CBLN2: variants seen among roughly 807,000 people sequenced by gnomAD.
CBLN2 encodes cerebellin-2.
In CBLN2, 7 loss-of-function variants were observed where a neutral mutation model predicts 15.0. The ratio of observed to expected loss-of-function variants is 0.47; its 90% CI spans 0.27 to 0.88. The LOEUF (loss-of-function observed/expected upper bound fraction) is 0.88. Ranked by LOEUF, CBLN2 falls within the 40% of genes least tolerant of loss-of-function variation. CBLN2 has a pLI of 0.14. For missense variants in CBLN2, 242 were observed against 304.5 expected (o/e 0.79, Z 1.53); for synonymous variants, 149 against 135.2 (o/e 1.10, Z -0.71).
chr18:72,631,892 T>C (rs899071654), intron 1 of CBLN2, among the ~76,000 whole-genome samples: 3 of 152,294 alleles, frequency 2.0e-5, no homozygotes, highest in East Asian at 1.9e-4. Flanking sequence ...TTGACATATG[T>C]AATTTACAGG....
At position 72,588,643 on chromosome 18, in the gene CBLN2, G is replaced by A. The variant is rs145307898; in HGVS notation, c.15+49682C>T. Among the ~76,000 whole-genome samples the A allele has an allele frequency of 3.4e-3, 524 of 152,342 alleles. 2 individuals carry two copies. The highest frequency in any genetic ancestry group is 5.7e-3 in the Non-Finnish European group (388 of 68,028). Reference sequence around the variant, plus strand: ...AGTGCTCTGTGTTGGTGCCAGGACAGAGGAGAAAACAGAACCCTCTTGGAT... The same window carrying A: ...AGTGCTCTGTGTTGGTGCCAGGACAAAGGAGAAAACAGAACCCTCTTGGAT... On this transcript the variant is annotated intron_variant, in intron 1 of 2. Coordinates refer to the CBLN2 transcript ENST00000581073.
intron 1 of CBLN2, among the ~76,000 whole-genome samples, chr18:72,563,606 C>T (rs868642660): frequency 1.3e-5 from 2 of 152,328 alleles, no homozygotes; most frequent in South Asian, 2.1e-4. Flanking sequence ...ACCTCATCTT[C>T]CCAGTCAAGA....
chr18:72,555,183 A>T (rs2069217880), intron 1 of CBLN2, among the ~76,000 whole-genome samples: 1 of 152,046 alleles, frequency 6.6e-6, no homozygotes, highest in Non-Finnish European at 1.5e-5. Context: ...AGGGAAAAAA[A>T]AGCAAATAAC....
intron 1 of CBLN2, among the ~76,000 whole-genome samples, chr18:72,608,182 T>C (rs997682331): frequency 1.4e-4 from 21 of 152,204 alleles, no homozygotes; most frequent in African/African-American, 5.1e-4. Context: ...TGTAAACAAA[T>C]CCTAGAAAGA....
intron 1 of CBLN2, among the ~76,000 whole-genome samples, chr18:72,580,310 C>A (rs2069394915): frequency 1.3e-5 from 2 of 151,962 alleles, no homozygotes; most frequent in Admixed American, 6.6e-5. Flanking sequence ...CTAACTCATG[C>A]CAAAAATATA....
chr18:72,571,072 T>C (rs929086065), intron 1 of CBLN2, among the ~76,000 whole-genome samples: 77 of 152,256 alleles, frequency 5.1e-4, no homozygotes, highest in African/African-American at 1.8e-3. Flanking sequence ...TTATTCACTA[T>C]GTTTTAAGAA....
chr18:72,571,287 G>C (rs2069330731), intron 1 of CBLN2, among the ~76,000 whole-genome samples: 1 of 152,096 alleles, frequency 6.6e-6, no homozygotes, highest in Non-Finnish European at 1.5e-5. Context: ...TTAAAAATTA[G>C]TTTTACTAAA....
chr18:72,599,435 G>A (rs2069533728), intron 1 of CBLN2, among the ~76,000 whole-genome samples: 1 of 152,094 alleles, frequency 6.6e-6, no homozygotes, highest in Non-Finnish European at 1.5e-5. Context: ...CTTAAAACAT[G>A]AAAATAAATG....
chr18:72,622,541 T>C (rs1054775538), intron 1 of CBLN2, among the ~76,000 whole-genome samples: 1 of 152,114 alleles, frequency 6.6e-6, no homozygotes, highest in Non-Finnish European at 1.5e-5. Flanking sequence ...CTCAAATTTC[T>C]AGTGCTGAAT....
intron 1 of CBLN2, among the ~76,000 whole-genome samples, chr18:72,619,831 C>T (rs1309036594): frequency 6.6e-6 from 1 of 152,134 alleles, no homozygotes; most frequent in African/African-American, 2.4e-5. Context: ...TTTCTTGACC[C>T]CTTAATGGGA....
intron 3 of CBLN2, 165 bp from the exon 4 acceptor site, chr18:72,538,937 G>C: frequency 1.4e-6 from 1 of 718,184 alleles, no homozygotes; most frequent in Non-Finnish European, 2.2e-6. Flanking sequence ...CAGTGCTGAA[G>C]TTAAAAGATC....
In CBLN2 at chr18:72,572,865, C is replaced by T. The variant is rs528210299; in HGVS notation, c.16-34093G>A. On this transcript the variant is annotated intron_variant, in intron 1 of 2. Transcript: ENST00000581073. ...TGTTATTTTTATTATATATAAAAAA[C>T]AAAAATAAAATAATTTTTTAAAATT... Among the ~76,000 whole-genome samples the T allele has an allele frequency of 3.3e-5, 5 of 151,510 alleles. No individual in the cohort carries two copies. In the South Asian group the frequency reaches 1.0e-3, roughly 32 times the overall value.
At chr18:72,578,452 G>A (rs2069382197) in intron 1 of CBLN2, among the ~76,000 whole-genome samples, 1 of 151,902 alleles carries the variant, frequency 6.6e-6, no homozygotes, top group Non-Finnish European at 1.5e-5. Flanking sequence ...CATTCCATAA[G>A]GAAAAAAACA....
At chr18:72,623,545 CTG>C (rs1322769181) in intron 1 of CBLN2, among the ~76,000 whole-genome samples, 1 of 152,146 alleles carries the variant, frequency 6.6e-6, no homozygotes, top group East Asian at 1.9e-4. Flanking sequence ...GGCCTGGAAG[CTG>C]TCTCTGGATC....
chr18:72,631,795 A>G (rs1408189479), intron 1 of CBLN2, among the ~76,000 whole-genome samples: 1 of 152,138 alleles, frequency 6.6e-6, no homozygotes, highest in Non-Finnish European at 1.5e-5. Context: ...CTCAGGAAAT[A>G]CAGTTCAAAC....
Position 72,543,626 on chromosome 18 carries a change from C to T in CBLN2, c.-211-96G>A. The T allele has an allele frequency of 2.6e-6, 1 of 388,930 alleles. No homozygotes were observed. The highest frequency in any genetic ancestry group is 4.5e-6 in the Non-Finnish European group (1 of 220,160). 24.1% of individuals were successfully genotyped at this position (388,930 alleles called of 1,614,324 possible). A position where few individuals can be genotyped will look rare whatever the true frequency, so the allele number is the denominator to read the frequency against. On this transcript the variant is annotated intron_variant, in intron 1 of 4. Transcript: ENST00000269503. The surrounding 1 kb of genome is among the most constrained non-coding windows in gnomAD (Gnocchi z 6.8). ...CGTGGCCAATAACCGCGCCGCCCCG[C>T]CCTGCCGCTTTCCCGCGCCAGCCTG... is the stretch of plus-strand genomic sequence containing the variant.
intron 1 of CBLN2, among the ~76,000 whole-genome samples, chr18:72,632,317 G>A (rs1395721410): frequency 6.6e-6 from 1 of 151,972 alleles, no homozygotes; most frequent in Non-Finnish European, 1.5e-5. Context: ...TTGTTTGTTT[G>A]TTTTCAATAT....
chr18:72,543,189 C>T lies in CBLN2; in HGVS notation c.-167+297G>A. 3.5e-6 allele frequency: 1 copy of T among 287,158 alleles called. No individual in the cohort carries two copies. Among genetic ancestry groups the T allele is most frequent in the Middle Eastern group, 9.8e-4 (1 of 1,018 alleles). 17.8% of individuals were successfully genotyped at this position (287,158 alleles called of 1,614,324 possible). On this transcript the variant is annotated intron_variant, in intron 2 of 4. Coordinates refer to ENST00000269503, the MANE Select transcript of CBLN2 (RefSeq NM_182511.4). The surrounding 1 kb of genome is among the most constrained non-coding windows in gnomAD (Gnocchi z 6.8). ...ACTTACGCGCCCGTCTGCACTTTTG[C>T]CCCGTCCCCGCTCCTCCCAGGAAAG... is the stretch of plus-strand genomic sequence containing the variant.
intron 1 of CBLN2, among the ~76,000 whole-genome samples, chr18:72,604,754 C>T (rs1045530585): frequency 3.3e-5 from 5 of 152,210 alleles, no homozygotes; most frequent in African/African-American, 4.8e-5. Flanking sequence ...CTCCTTGCCA[C>T]GTGATGCCCT....
Sources: allele counts gnomAD v4.1 joint callset (sites outside exome capture counted in the v4.1 genomes callset), GRCh38; gene constraint gnomAD v4.1.1; non-coding constraint Gnocchi (gnomAD v3.1); transcripts MANE v1.5; gene names NCBI Gene and HGNC (gene_info 2026-07-23, HGNC 2026-07-21).